PTPN14: variants seen among roughly 807,000 people sequenced by gnomAD.
The protein encoded by PTPN14 is protein tyrosine phosphatase non-receptor type 14, also known as tyrosine-protein phosphatase non-receptor type 14.
In PTPN14, 53 loss-of-function variants were observed where a neutral mutation model predicts 126.8. That is an observed-to-expected ratio of 0.42 (90% CI 0.34 to 0.53). The LOEUF is 0.53. Among genes scored for constraint, PTPN14 ranks in the 20% least tolerant of loss-of-function variants. The pLI, the probability that PTPN14 is intolerant of heterozygous loss-of-function variation, is 0.08. For synonymous variants in PTPN14, 630 were observed against 599.3 expected, an observed-to-expected ratio of 1.05 and a Z score of -0.75; for missense variants, 1,257 against 1,552.9, an observed-to-expected ratio of 0.81 and a Z score of 3.20.
rs1321116104 is a variant in PTPN14, at chr1:214,349,832, T to A, written c.*8090A>T. The A allele has an allele frequency of 6.6e-6, 1 of 150,780 alleles. No homozygotes were observed. The highest frequency in any genetic ancestry group is 1.5e-5 in the Non-Finnish European group (1 of 67,752). The allele number at this position is 150,780 out of a possible 1,614,324, so 9.3% of individuals were successfully genotyped here. Reference sequence around the variant, plus strand: ...ACAATGTTCAAGTTGAAAAAAAAAATGGCTCTGAATTACAGCATTCAGTTC... The same window carrying A: ...ACAATGTTCAAGTTGAAAAAAAAAAAGGCTCTGAATTACAGCATTCAGTTC... On this transcript the variant is annotated 3_prime_UTR_variant, in exon 19 of 19. Coordinates refer to ENST00000366956, the MANE Select transcript of PTPN14 (RefSeq NM_005401.5).
intron 3 of PTPN14, among the ~76,000 whole-genome samples, chr1:214,444,354 T>C (rs974850906): frequency 6.6e-6 from 1 of 152,182 alleles, no homozygotes; most frequent in Non-Finnish European, 1.5e-5. Flanking sequence ...AGGAGGAGAA[T>C]TTGCTATTCT....
chr1:214,398,817 G>A (rs1479428216), intron 7 of PTPN14, among the ~76,000 whole-genome samples: 1 of 151,352 alleles, frequency 6.6e-6, no homozygotes, highest in African/African-American at 2.4e-5. Flanking sequence ...CCAGGCTGGG[G>A]TGCAGTGGCG....
At chr1:214,481,213 A>C (rs967443254) in intron 1 of PTPN14, among the ~76,000 whole-genome samples, 1 of 152,220 alleles carries the variant, frequency 6.6e-6, no homozygotes, top group Non-Finnish European at 1.5e-5. Context: ...ATGCAGCACA[A>C]GAATAAAAAC....
rs1302718869 is a variant in PTPN14 at position 214,461,572 on chromosome 1, G to A, written c.174+3058C>T. On this transcript the variant is annotated intron_variant, in intron 2 of 18. Transcript: ENST00000366956. ...TTGAGCTCAGGAGGTTGAGGCTGTA[G>A]TGAGTCATGATCGTACCAGTGCACT... 2.0e-5 allele frequency among the ~76,000 whole-genome samples: 3 copies of A among 151,824 alleles called. No homozygotes were observed. The East Asian group carries it at 5.8e-4, about 29-fold the overall frequency.
intron 1 of PTPN14, among the ~76,000 whole-genome samples, chr1:214,495,709 T>G (rs1661349252): frequency 1.3e-5 from 2 of 151,610 alleles, no homozygotes; most frequent in Admixed American, 1.3e-4. Context: ...ATTTATTTAC[T>G]TCGCAACGGA....
chr1:214,442,308 C>T (rs927194500), intron 3 of PTPN14, among the ~76,000 whole-genome samples: 4 of 152,166 alleles, frequency 2.6e-5, no homozygotes, highest in East Asian at 1.9e-4. Flanking sequence ...AATGCTTCAA[C>T]GAGCATTTCC....
At position 214,489,128 on chromosome 1, in the gene PTPN14, C is replaced by T. The variant is rs115484500; in HGVS notation, c.-154-24171G>A. Among the ~76,000 whole-genome samples the T allele has an allele frequency of 2.6e-5, 4 of 152,240 alleles. 1 individual carries two copies. The highest frequency in any genetic ancestry group is 4.8e-5 in the African/African-American group (2 of 41,546). ...GACAATAATGATGGTGATTAGTAAC[C>T]GCAGCTTCAAAGGACTGAGCATTTA... On this transcript the variant is annotated intron_variant, in intron 1 of 18. Transcript: ENST00000366956.
chr1:214,533,768 C>T (rs1247256100), intron 1 of PTPN14, among the ~76,000 whole-genome samples: 3 of 148,524 alleles, frequency 2.0e-5, no homozygotes, highest in African/African-American at 7.5e-5. Context: ...ACCCGGGAGG[C>T]GGAGCTTGCA....
At chr1:214,540,752 A>T (rs1308760558) in intron 1 of PTPN14, among the ~76,000 whole-genome samples, 3 of 152,196 alleles carry the variant, frequency 2.0e-5, no homozygotes, top group Non-Finnish European at 4.4e-5. Flanking sequence ...TTAAAAAAAA[A>T]ATCCACCACC....
At chr1:214,377,825 C>T in intron 14 of PTPN14, 134 bp downstream of exon 14, 1 of 1,134,796 alleles carries the variant, frequency 8.8e-7, no homozygotes, top group Non-Finnish European at 1.3e-6. Flanking sequence ...CACAGTTATA[C>T]CTGATCTTCC....
intron 1 of PTPN14, among the ~76,000 whole-genome samples, chr1:214,525,436 C>T (rs977279954): frequency 6.6e-6 from 1 of 152,256 alleles, no homozygotes; most frequent in African/African-American, 2.4e-5. Flanking sequence ...GGGTCAGCTG[C>T]GAATGCTAAG....
chr1:214,547,910 G>GAAA (rs57550281), intron 1 of PTPN14, among the ~76,000 whole-genome samples: 1 of 125,524 alleles, frequency 8.0e-6, no homozygotes. Context: ...CCAATAGACT[G>GAAA]AAAAAAAAAA....
chr1:214,501,340 A>G (rs1571626854), intron 1 of PTPN14, among the ~76,000 whole-genome samples: 1 of 152,218 alleles, frequency 6.6e-6, no homozygotes, highest in African/African-American at 2.4e-5. Context: ...CCCAGGTTCA[A>G]GTGATTCTCC....
intron 1 of PTPN14, chr1:214,532,674 T>C (rs1298852027): frequency 2.4e-6 from 2 of 827,414 alleles, no homozygotes; most frequent in Non-Finnish European, 2.1e-6. Context: ...CTGATGACTT[T>C]AGAGTCAAGT....
chr1:214,475,820 C>T (rs772869164), intron 1 of PTPN14, among the ~76,000 whole-genome samples: 18 of 152,130 alleles, frequency 1.2e-4, no homozygotes, highest in Non-Finnish European at 2.2e-4. Context: ...AAATAACTTC[C>T]CCCCACGATC....
intron 1 of PTPN14, among the ~76,000 whole-genome samples, chr1:214,481,127 TAA>T (rs1660975788): frequency 1.3e-5 from 2 of 152,188 alleles, no homozygotes; most frequent in South Asian, 4.1e-4. Context: ...TTTTTTTGTG[TAA>T]AGATTATATC....
chr1:214,407,799 C>A lies in PTPN14; in HGVS notation c.510+3885G>T, dbSNP rs183016383. ...TAACACCTAAATTATATCCTTTGCCCAGAACACAACAAGATTCCCAGCTGA... is the reference window on the plus strand; with the variant it reads ...TAACACCTAAATTATATCCTTTGCCAAGAACACAACAAGATTCCCAGCTGA... On this transcript the variant is annotated intron_variant, in intron 5 of 18. Coordinates refer to ENST00000366956, the MANE Select transcript of PTPN14 (RefSeq NM_005401.5). 4.4e-3 allele frequency among the ~76,000 whole-genome samples: 676 copies of A among 151,970 alleles called. 2 individuals are homozygous for A. The highest frequency in any genetic ancestry group is 0.015 in the African/African-American group (627 of 41,252).
intron 3 of PTPN14, among the ~76,000 whole-genome samples, chr1:214,415,908 C>A (rs1659416862): frequency 6.6e-6 from 1 of 152,094 alleles, no homozygotes; most frequent in Admixed American, 6.5e-5. Flanking sequence ...CTAATATGGG[C>A]TAGAAAAAAT....
In PTPN14 at chr1:214,350,124, A is replaced by C; in HGVS notation, c.*7798T>G. 1 of 152,232 alleles carries C rather than the reference A, an allele frequency of 6.6e-6. No individual in the cohort carries two copies. Among genetic ancestry groups the C allele is most frequent in the East Asian group, 1.9e-4 (1 of 5,198 alleles). 9.4% of individuals were successfully genotyped at this position (152,232 alleles called of 1,614,324 possible). ...GAAGGTTGGGGAAGAAAATGAAGAT[A>C]GCTTACATACAGATTTTGGATGACC... On this transcript the variant is annotated 3_prime_UTR_variant, in exon 19 of 19. Transcript: ENST00000366956.
Sources: allele counts gnomAD v4.1 joint callset (sites outside exome capture counted in the v4.1 genomes callset), GRCh38; gene constraint gnomAD v4.1.1; transcripts MANE v1.5; gene names NCBI Gene and HGNC (gene_info 2026-07-23, HGNC 2026-07-21).